ETV1: variants seen among roughly 807,000 people sequenced by gnomAD.
The protein encoded by ETV1 is ETS translocation variant 1.
A neutral mutation model predicts 62.3 loss-of-function variants in ETV1; 27 were observed. The ratio of observed to expected loss-of-function variants is 0.43; its 90% CI spans 0.32 to 0.60. The LOEUF (loss-of-function observed/expected upper bound fraction) is 0.60, where lower values mean the gene tolerates loss of function less well. Among genes scored for constraint, ETV1 ranks in the 20% least tolerant of loss-of-function variants. The pLI, the probability that ETV1 is intolerant of heterozygous loss-of-function variation, is 0.06. For synonymous variants in ETV1, 222 were observed against 199.6 expected (o/e 1.11, Z -0.94); for missense variants, 605 against 605.8 (o/e 1.00, Z 0.01).
rs1293291922 is a variant in ETV1, at chr7:13,989,581, G to A, written c.-303C>T. 4 of 398,984 alleles carry A rather than the reference G, an allele frequency of 1.0e-5. No individual in the cohort carries two copies. The highest frequency in any genetic ancestry group is 8.2e-5 in the African/African-American group (4 of 48,626). The allele number at this position is 398,984 out of a possible 1,614,324, so 24.7% of individuals were successfully genotyped here. A position where few individuals can be genotyped will look rare whatever the true frequency, so the allele number is the denominator to read the frequency against. The stretch of plus-strand genomic sequence containing the variant: ...GACCCACCTGAAGGCCACGCTAGGC[G>A]AAAGGCTGCAAAAACTTCCCTCCAA... On this transcript the variant is annotated 5_prime_UTR_variant, in exon 1 of 14. Transcript: ENST00000430479.
In ETV1 at chr7:13,989,152, A is replaced by C. The variant is rs1782832787; in HGVS notation, c.-87-13T>G. The C allele has an allele frequency of 2.9e-6, 3 of 1,020,900 alleles. No homozygotes were observed. The highest frequency in any genetic ancestry group is 5.1e-5 in the Admixed American group (2 of 39,254). 63.2% of individuals were successfully genotyped at this position (1,020,900 alleles called of 1,614,324 possible). On this transcript the variant is annotated splice_polypyrimidine_tract_variant and intron_variant, in intron 2 of 13. Coordinates refer to ENST00000430479, the MANE Select transcript of ETV1 (RefSeq NM_004956.5). Reference sequence around the variant, plus strand: ...GACTTCTATCAACCTAGAGGGGAACAAGATGGCTTTTAGGCTTAAAAAAAA... The same window carrying C: ...GACTTCTATCAACCTAGAGGGGAACCAGATGGCTTTTAGGCTTAAAAAAAA...
chr7:13,947,438 T>C (rs1190884574), intron 6 of ETV1, among the ~76,000 whole-genome samples: 1 of 150,032 alleles, frequency 6.7e-6, no homozygotes, highest in Non-Finnish European at 1.5e-5. Flanking sequence ...TATTTAACCA[T>C]TTTCAAAGAA....
At chr7:13,935,567 C>G (rs568170108) in intron 8 of ETV1, 141 bp downstream of exon 8, 4 of 627,570 alleles carry the variant, frequency 6.4e-6, no homozygotes, top group African/African-American at 5.5e-5. Context: ...ATAGAGTGAG[C>G]TCTTTCTAAA....
chr7:13,963,967 G>T (rs1464550330), intron 6 of ETV1, among the ~76,000 whole-genome samples: 2 of 152,054 alleles, frequency 1.3e-5, no homozygotes, highest in African/African-American at 4.8e-5. Flanking sequence ...AGGAAAACAG[G>T]GATTGATTTT....
chr7:13,981,188 A>C (rs1781945851), intron 5 of ETV1, among the ~76,000 whole-genome samples: 1 of 152,106 alleles, frequency 6.6e-6, no homozygotes, highest in South Asian at 2.1e-4. Flanking sequence ...AGTTCTATCC[A>C]CTGTAACAAT....
In ETV1 at chr7:13,988,086, C is replaced by G; in HGVS notation, c.133G>C (p.Glu45Gln). 6.2e-7 allele frequency: 1 copy of G among 1,603,082 alleles called. No individual in the cohort carries two copies. Among genetic ancestry groups the G allele is most frequent in the South Asian group, 1.1e-5 (1 of 90,822 alleles). ...INRDLAHDSE[E>Q]LFQDLSQLQE... ...GATTCAGCCCAAAATCAAACCTCAC[C>G]TTCTGAATCATGAGCCAGATCTCTG... The change falls in exon 4 of 14, where the codon GAA becomes CAA. Residue 45 changes from glutamate (E) to glutamine (Q), a missense_variant and splice_region_variant. By Grantham distance (29) the Glu-to-Gln change is conservative. Around this residue, in one of 3 missense-constraint regions of ETV1, gnomAD observed 426 missense variants for 377.8 expected, o/e 1.13. Coordinates refer to ENST00000430479, the MANE Select transcript of ETV1 (RefSeq NM_004956.5).
At position 13,911,357 on chromosome 7, in the gene ETV1, G is replaced by A. The variant is rs1474557925; in HGVS notation, c.803-50C>T. 4 of 1,330,938 alleles carry A rather than the reference G, an allele frequency of 3.0e-6. No homozygotes were observed. In the East Asian group the frequency reaches 9.3e-5, roughly 31 times the overall value. 82.4% of individuals were successfully genotyped at this position (1,330,938 alleles called of 1,614,324 possible). A position where few individuals can be genotyped will look rare whatever the true frequency, so the allele number is the denominator to read the frequency against. On this transcript the variant is annotated intron_variant, in intron 9 of 13. Transcript: ENST00000430479. The stretch of plus-strand genomic sequence containing the variant: ...AAAAAGAGTCTGGAGCTGAAACGCT[G>A]CGGTTATCAATGGACAGGGTGCAGA...
At chr7:13,930,238 A>T (rs899886046) in intron 9 of ETV1, among the ~76,000 whole-genome samples, 2 of 152,220 alleles carry the variant, frequency 1.3e-5, no homozygotes, top group African/African-American at 4.8e-5. Context: ...TTGGCAGATT[A>T]TAGAAGGAAA....
At chr7:13,978,722 T>C (rs1342856250) in intron 5 of ETV1, among the ~76,000 whole-genome samples, 1 of 151,884 alleles carries the variant, frequency 6.6e-6, no homozygotes, top group African/African-American at 2.4e-5. Context: ...TTAAAAAAAT[T>C]TTATATAAAA....
chr7:13,964,928 G>C (rs1790606824), intron 6 of ETV1, among the ~76,000 whole-genome samples: 1 of 152,040 alleles, frequency 6.6e-6, no homozygotes, highest in African/African-American at 2.4e-5. Flanking sequence ...TAAAGGTGTT[G>C]ATATCATTAA....
intron 6 of ETV1, among the ~76,000 whole-genome samples, chr7:13,961,715 T>C (rs967448021): frequency 6.6e-6 from 1 of 152,180 alleles, no homozygotes; most frequent in Non-Finnish European, 1.5e-5. Flanking sequence ...TAACCCATAA[T>C]CTTACACATA....
At chr7:13,989,165 G>A (rs542543246) in intron 2 of ETV1, 26 bp from the exon 3 acceptor site, 3 of 830,394 alleles carry the variant, frequency 3.6e-6, no homozygotes, top group Admixed American at 3.1e-5. Flanking sequence ...ATGGCTTTTA[G>A]GCTTAAAAAA....
At chr7:13,970,793 G>C (rs1347372884) in intron 6 of ETV1, among the ~76,000 whole-genome samples, 3 of 151,952 alleles carry the variant, frequency 2.0e-5, no homozygotes, top group Non-Finnish European at 4.4e-5. Flanking sequence ...ACCACAAATG[G>C]AATTTTTCTG....
At chr7:13,939,278 T>C in intron 6 of ETV1, 32 bp from the exon 7 acceptor site, 1 of 1,586,572 alleles carries the variant, frequency 6.3e-7, no homozygotes, top group Non-Finnish European at 8.6e-7. Context: ...TCCACAAAAA[T>C]TAAATGCTGT....
At chr7:13,939,804 T>C (rs1787267840) in intron 6 of ETV1, among the ~76,000 whole-genome samples, 1 of 152,160 alleles carries the variant, frequency 6.6e-6, no homozygotes, top group African/African-American at 2.4e-5. Flanking sequence ...ATCTATAAAA[T>C]AGAGATTAAG....
At chr7:13,896,172 T>G in intron 13 of ETV1, 85 bp from the exon 14 acceptor site, 1 of 1,091,328 alleles carries the variant, frequency 9.2e-7, no homozygotes, top group Non-Finnish European at 1.4e-6. Context: ...AAACGTGGTT[T>G]AATATACAGG....
chr7:13,895,763 A>C lies in ETV1; in HGVS notation c.*103T>G. On this transcript the variant is annotated 3_prime_UTR_variant, in exon 14 of 14. Transcript: ENST00000430479. ...CCCTTTTTGTGTATTATTATTTAAA[A>C]ATAAAATACAAACAACAGAAATAAA... 1.2e-6 allele frequency: 1 copy of C among 816,678 alleles called. No homozygotes were observed. The highest frequency in any genetic ancestry group is 1.7e-5 in the South Asian group (1 of 57,966). The allele number at this position is 816,678 out of a possible 1,614,324, so 50.6% of individuals were successfully genotyped here.
chr7:13,960,902 A>G (rs1422188191), intron 6 of ETV1, among the ~76,000 whole-genome samples: 2 of 152,200 alleles, frequency 1.3e-5, no homozygotes, highest in Admixed American at 6.5e-5. Context: ...TACAATGCCA[A>G]CACTTTGTGA....
chr7:13,923,639 C>T (rs961174128), intron 9 of ETV1, among the ~76,000 whole-genome samples: 2 of 152,226 alleles, frequency 1.3e-5, no homozygotes, highest in Middle Eastern at 3.4e-3. Flanking sequence ...TCTAAATTTA[C>T]AGGCTTTTCT....
Sources: allele counts gnomAD v4.1 joint callset (sites outside exome capture counted in the v4.1 genomes callset), GRCh38; gene constraint gnomAD v4.1.1; regional missense constraint gnomAD v4.1.1; transcripts MANE v1.5; gene names NCBI Gene and HGNC (gene_info 2026-07-23, HGNC 2026-07-21).